Variants in NELL1 observed in about 807,000 individuals in gnomAD.
NELL1 encodes the protein neural EGFL like 1.
NELL1 carries 76 observed loss-of-function variants against 107.4 expected under a neutral mutation model. The ratio of observed to expected loss-of-function variants is 0.71; its 90% CI spans 0.59 to 0.86. NELL1 has a LOEUF of 0.86. Among genes scored for constraint, NELL1 ranks in the 40% least tolerant of loss-of-function variants. The pLI, the probability that NELL1 is intolerant of heterozygous loss-of-function variation, is 0.00. For synonymous variants in NELL1, 353 were observed against 341.2 expected (o/e 1.03, Z -0.38); for missense variants, 1,024 against 1,005.5 (o/e 1.02, Z -0.25).
intron 13 of NELL1, among the ~76,000 whole-genome samples, chr11:21,150,554 G>A (rs533631993): frequency 5.0e-4 from 76 of 152,230 alleles, no homozygotes; most frequent in Non-Finnish European, 6.3e-4. Flanking sequence ...TACTTTTGCC[G>A]CACTGGTTGG....
At chr11:21,094,731 C>T (rs145633335) in intron 12 of NELL1, among the ~76,000 whole-genome samples, 348 of 152,300 alleles carry the variant, frequency 2.3e-3, no homozygotes, top group African/African-American at 7.9e-3. Context: ...TCATCGGTGG[C>T]TGAAGAAGGC....
intron 14 of NELL1, among the ~76,000 whole-genome samples, chr11:21,237,855 G>A (rs1196398631): frequency 2.0e-5 from 3 of 152,118 alleles, no homozygotes; most frequent in Middle Eastern, 6.8e-3. Context: ...AGTAAATGCT[G>A]TACTGGCTCA....
intron 14 of NELL1, among the ~76,000 whole-genome samples, chr11:21,341,876 T>C (rs918795112): frequency 5.3e-5 from 8 of 152,338 alleles, no homozygotes; most frequent in East Asian, 1.9e-4. Flanking sequence ...AAGAAATCAA[T>C]TGAGATCTCA....
At chr11:20,929,446 T>A (rs1236647395) in intron 9 of NELL1, among the ~76,000 whole-genome samples, 1 of 152,002 alleles carries the variant, frequency 6.6e-6, no homozygotes, top group South Asian at 2.1e-4. Flanking sequence ...CTTTTTTTTT[T>A]TTTTATGGTT....
chr11:21,397,500 C>T (rs530289851), intron 15 of NELL1, among the ~76,000 whole-genome samples: 27 of 151,574 alleles, frequency 1.8e-4, no homozygotes, highest in East Asian at 9.8e-4. Context: ...TTTCCGTGTA[C>T]GTACACTTCT....
intron 13 of NELL1, among the ~76,000 whole-genome samples, chr11:21,176,657 G>A (rs1170280954): frequency 1.3e-5 from 2 of 151,862 alleles, no homozygotes; most frequent in Admixed American, 6.6e-5. Context: ...AAGAGAAGGA[G>A]GTGAGCCAGG....
intron 2 of NELL1, among the ~76,000 whole-genome samples, chr11:20,689,979 T>C (rs2133864841): frequency 6.6e-6 from 1 of 151,914 alleles, no homozygotes; most frequent in Middle Eastern, 3.4e-3. Flanking sequence ...ATAGCCATTC[T>C]AACTGGTGTG....
chr11:20,895,830 G>T (rs1174579262), intron 5 of NELL1, among the ~76,000 whole-genome samples: 2 of 151,896 alleles, frequency 1.3e-5, no homozygotes, highest in African/African-American at 4.8e-5. Context: ...TTTATGCCTG[G>T]CTTATTTCAC....
At chr11:20,939,142 A>C (rs1327901104) in intron 10 of NELL1, among the ~76,000 whole-genome samples, 11 of 152,070 alleles carry the variant, frequency 7.2e-5, no homozygotes, top group Admixed American at 2.6e-4. Context: ...AGAGCTATTT[A>C]AAAAATGGAA....
At chr11:21,478,992 T>C (rs940960719) in intron 15 of NELL1, among the ~76,000 whole-genome samples, 1 of 152,086 alleles carries the variant, frequency 6.6e-6, no homozygotes. Context: ...TAACGATATA[T>C]CATCTCACCC....
chr11:21,049,026 A>G (rs1853424927), intron 12 of NELL1, among the ~76,000 whole-genome samples: 1 of 152,214 alleles, frequency 6.6e-6, no homozygotes, highest in Non-Finnish European at 1.5e-5. Context: ...TTGAACTGCC[A>G]TGCAGTCACA....
intron 12 of NELL1, among the ~76,000 whole-genome samples, chr11:21,098,087 A>G (rs1854696235): frequency 6.6e-6 from 1 of 151,988 alleles, no homozygotes; most frequent in African/African-American, 2.4e-5. Context: ...GTCTGCCTGG[A>G]TCTGACCTTC....
At chr11:20,947,886 G>T (rs550415746) in intron 11 of NELL1, among the ~76,000 whole-genome samples, 12 of 152,198 alleles carry the variant, frequency 7.9e-5, no homozygotes, top group Middle Eastern at 3.4e-3. Flanking sequence ...TTACTCATAG[G>T]TTAGATTGTT....
intron 14 of NELL1, among the ~76,000 whole-genome samples, chr11:21,232,951 C>T (rs376163191): frequency 1.6e-4 from 25 of 152,200 alleles, no homozygotes; most frequent in African/African-American, 6.0e-4. Context: ...CTGCTCTCAG[C>T]AGAACTAAGT....
At chr11:21,485,135 G>T (rs1229573245) in intron 15 of NELL1, among the ~76,000 whole-genome samples, 1 of 152,122 alleles carries the variant, frequency 6.6e-6, no homozygotes, top group Admixed American at 6.5e-5. Context: ...AATATAGGCA[G>T]CTGCCTAGTG....
intron 13 of NELL1, among the ~76,000 whole-genome samples, chr11:21,156,930 T>G (rs1401412034): frequency 1.9e-5 from 2 of 103,120 alleles, no homozygotes; most frequent in Non-Finnish European, 4.1e-5. Flanking sequence ...CCGCCTCTAC[T>G]AAAAATACAA....
intron 14 of NELL1, among the ~76,000 whole-genome samples, chr11:21,262,898 G>C (rs977951396): frequency 2.6e-5 from 4 of 151,600 alleles, no homozygotes; most frequent in African/African-American, 9.7e-5. Context: ...CTGTTATTTT[G>C]ATGCTGGACT....
chr11:21,415,489 TAGATTAA>T (rs1364008075), intron 15 of NELL1, among the ~76,000 whole-genome samples: 5 of 152,150 alleles, frequency 3.3e-5, no homozygotes, highest in Non-Finnish European at 7.4e-5. Context: ...TGTATGCATC[TAGATTAA>T]AAATGTAGTG....
chr11:20,783,884 A>C, intron 3 of NELL1, 54 bp downstream of exon 3: 1 of 1,508,160 alleles, frequency 6.6e-7, no homozygotes, highest in Non-Finnish European at 8.9e-7. Flanking sequence ...TGGGTTATAC[A>C]AAATGTCTTG....
Sources: gnomAD v4.1 joint callset for allele counts (sites outside exome capture counted in the v4.1 genomes callset) on GRCh38, gnomAD v4.1.1 for gene constraint, MANE v1.5 for transcripts, NCBI Gene and HGNC (gene_info 2026-07-23, HGNC 2026-07-21) for gene names.